The following LRP6 variants were observed in gnomAD, a reference collection of about 807,000 sequenced individuals.
LRP6 encodes LDL receptor related protein 6.
In LRP6, 43 loss-of-function variants were observed where a neutral mutation model predicts 184.1. The ratio of observed to expected loss-of-function variants is 0.23; its 90% CI spans 0.18 to 0.30. The LOEUF is 0.30. Ranked by LOEUF, LRP6 falls within the 10% of genes least tolerant of loss-of-function variation. The pLI, the probability that LRP6 is intolerant of heterozygous loss-of-function variation, is 1.00. For synonymous variants in LRP6, 719 were observed against 684.9 expected (o/e 1.05, Z -0.78); for missense variants, 1,571 against 2,005.3 (o/e 0.78, Z 4.14).
intron 3 of LRP6, among the ~76,000 whole-genome samples, chr12:12,198,919 AT>A (rs1863842404): frequency 6.6e-6 from 1 of 152,148 alleles, no homozygotes; most frequent in African/African-American, 2.4e-5. Flanking sequence ...TAAAGAAAAA[AT>A]TTATTGAAGA....
intron 20 of LRP6, 81 bp downstream of exon 20, chr12:12,126,610 G>A (rs1949674842): frequency 9.5e-7 from 1 of 1,053,608 alleles, no homozygotes. Context: ...ACAGACTCTA[G>A]GTAGTATTCT....
intron 21 of LRP6, 39 bp from the exon 22 acceptor site, chr12:12,124,701 A>C: frequency 1.6e-6 from 2 of 1,255,040 alleles, no homozygotes; most frequent in Non-Finnish European, 2.3e-6. Context: ...AAATAACAAC[A>C]TAGAAACTAT....
At chr12:12,202,301 C>T (rs775485977) in intron 3 of LRP6, among the ~76,000 whole-genome samples, 5 of 152,300 alleles carry the variant, frequency 3.3e-5, no homozygotes, top group East Asian at 1.9e-4. Context: ...CTAGCACTTT[C>T]GGAGGCCGAG....
At position 12,120,017 on chromosome 12, in the gene LRP6, A is replaced by C. The variant is rs1323851112; in HGVS notation, c.*1109T>G. ...TATATATATATATATATATATATAT[A>C]TATATATATATATATATATATATAT... On this transcript the variant is annotated 3_prime_UTR_variant, in exon 23 of 23. Transcript: ENST00000261349. 9.4e-6 allele frequency: 1 copy of C among 106,778 alleles called. No homozygotes were observed. The highest frequency in any genetic ancestry group is 2.1e-5 in the Non-Finnish European group (1 of 46,808). 6.6% of individuals were successfully genotyped at this position (106,778 alleles called of 1,614,324 possible).
At chr12:12,193,653 A>G (rs1446873397) in intron 3 of LRP6, among the ~76,000 whole-genome samples, 1 of 152,002 alleles carries the variant, frequency 6.6e-6, no homozygotes, top group Non-Finnish European at 1.5e-5. Flanking sequence ...ATATTCCTGG[A>G]AAAAAACCAA....
intron 2 of LRP6, among the ~76,000 whole-genome samples, chr12:12,230,116 T>A (rs1267867239): frequency 6.6e-6 from 1 of 152,188 alleles, no homozygotes; most frequent in African/African-American, 2.4e-5. Flanking sequence ...GAGTGAAAGG[T>A]AGAAGATGAG....
chr12:12,130,715 C>T (rs1405815699), intron 19 of LRP6, 68 bp downstream of exon 19: 10 of 918,360 alleles, frequency 1.1e-5, no homozygotes, highest in East Asian at 2.5e-5. Context: ...AAGTAAACCT[C>T]ACACATAAGA....
intron 19 of LRP6, 57 bp from the exon 20 acceptor site, chr12:12,126,978 T>G (rs552911118): frequency 2.9e-5 from 41 of 1,390,610 alleles, no homozygotes; most frequent in African/African-American, 1.7e-4. Context: ...ATATTCAAAA[T>G]AGTAATCAAA....
At chr12:12,226,448 A>G (rs928534463) in intron 2 of LRP6, among the ~76,000 whole-genome samples, 1 of 152,236 alleles carries the variant, frequency 6.6e-6, no homozygotes, top group African/African-American at 2.4e-5. Context: ...AAAAACAGAC[A>G]ACATGGAAGA....
intron 22 of LRP6, among the ~76,000 whole-genome samples, chr12:12,122,887 A>G (rs997342269): frequency 3.3e-5 from 5 of 152,138 alleles, no homozygotes; most frequent in Non-Finnish European, 5.9e-5. Context: ...ACCAAAAGTT[A>G]TATGACCCAC....
chr12:12,208,184 G>A (rs1864116146), intron 2 of LRP6, among the ~76,000 whole-genome samples: 2 of 152,144 alleles, frequency 1.3e-5, no homozygotes, highest in Non-Finnish European at 2.9e-5. Context: ...TACCTACTAC[G>A]TGATCCCATT....
chr12:12,133,334 G>A (rs1292237354), intron 17 of LRP6, among the ~76,000 whole-genome samples: 2 of 152,136 alleles, frequency 1.3e-5, no homozygotes, highest in Non-Finnish European at 2.9e-5. Flanking sequence ...ATCATGGGGG[G>A]TAGATCCCTC....
chr12:12,258,751 C>T (rs1865536076), intron 1 of LRP6, among the ~76,000 whole-genome samples: 1 of 152,222 alleles, frequency 6.6e-6, no homozygotes, highest in Admixed American at 6.5e-5. Context: ...TATCTTTAAA[C>T]TGGATATATG....
intron 2 of LRP6, among the ~76,000 whole-genome samples, chr12:12,234,674 T>TA (rs1864887326): frequency 6.6e-6 from 1 of 151,114 alleles, no homozygotes; most frequent in Middle Eastern, 3.2e-3. Context: ...CTACTAAAAA[T>TA]ACAAAAATTA....
intron 3 of LRP6, among the ~76,000 whole-genome samples, chr12:12,201,316 T>A (rs965757508): frequency 1.3e-5 from 2 of 152,188 alleles, no homozygotes; most frequent in African/African-American, 2.4e-5. Context: ...ATTTCAGTAG[T>A]TCCATTTTGA....
chr12:12,148,939 T>C lies in LRP6; in HGVS notation c.3206+3A>G, dbSNP rs546943363. 2 of 1,610,874 alleles carry C rather than the reference T, an allele frequency of 1.2e-6. No individual in the cohort carries two copies. The highest frequency in any genetic ancestry group is 2.2e-5 in the South Asian group (2 of 90,972). On this transcript the variant is annotated splice_donor_region_variant and intron_variant, in intron 14 of 22. Transcript: ENST00000261349. ...GTATCTGAACGCCACTTTAGTAACA[T>C]ACCCTTTCTCTGGGTTTACCACAAC...
chr12:12,147,592 G>A, intron 14 of LRP6, 36 bp from the exon 15 acceptor site: 1 of 1,451,818 alleles, frequency 6.9e-7, no homozygotes, highest in Non-Finnish European at 9.7e-7. Context: ...AGTTACTGGA[G>A]TAAGAAACCA....
chr12:12,244,455 C>A lies in LRP6; in HGVS notation c.256G>T (p.Val86Leu). ...KRTEFNKTES[V>L]QNVVVSGLLS... is the part of the protein sequence containing the mutation. ...AATCCAGAAACAACAACATTCTGCACACTCTCAGTTTTGTTAAATTCTGTT... is the reference window on the plus strand; with the variant it reads ...AATCCAGAAACAACAACATTCTGCAAACTCTCAGTTTTGTTAAATTCTGTT... Residue 86 changes from valine to leucine, a missense_variant, in exon 2 of 23, where the codon GTG (valine) becomes TTG (leucine). Val to Leu is a conservative substitution (Grantham distance 32). This residue lies in a region of LRP6 where 640 missense variants were observed against 851.9 expected (regional missense o/e 0.75). Coordinates refer to ENST00000261349, the MANE Select transcript of LRP6 (RefSeq NM_002336.3). The A allele has an allele frequency of 2.5e-6, 4 of 1,614,206 alleles. No homozygotes were observed. The highest frequency in any genetic ancestry group is 3.4e-6 in the Non-Finnish European group (4 of 1,180,042).
rs946340039 is a variant in LRP6, at chr12:12,266,802, G to C, written c.-67C>G. The C allele has an allele frequency of 2.1e-5, 29 of 1,362,974 alleles. No homozygotes were observed. Among genetic ancestry groups the C allele is most frequent in the Non-Finnish European group, 2.9e-5 (28 of 968,174 alleles). 84.4% of individuals were successfully genotyped at this position (1,362,974 alleles called of 1,614,324 possible). On this transcript the variant is annotated 5_prime_UTR_variant, in exon 1 of 23. Transcript: ENST00000261349. ...CCAGAAGTGGGGGAGGCGAGGAGCC[G>C]GGGCGGCCGCCGCAGCGGCAGGGCT...
Sources: allele counts gnomAD v4.1 joint callset (sites outside exome capture counted in the v4.1 genomes callset), GRCh38; gene constraint gnomAD v4.1.1; regional missense constraint gnomAD v4.1.1; transcripts MANE v1.5; gene names NCBI Gene and HGNC (gene_info 2026-07-23, HGNC 2026-07-21).